Variants in ARHGAP26 observed in about 807,000 individuals in gnomAD.
ARHGAP26 encodes the protein rho GTPase-activating protein 26.
Under a neutral mutation model 104.8 loss-of-function variants are expected in ARHGAP26, and 38 were observed. The observed-to-expected ratio is 0.36, with a 90% CI of 0.28 to 0.48. ARHGAP26 has a LOEUF of 0.48. ARHGAP26 is among the 20% of genes least tolerant of loss of function. The pLI is 0.99. For missense variants in ARHGAP26, 704 were observed against 947.9 expected, an observed-to-expected ratio of 0.74 and a Z score of 3.38; for synonymous variants, 341 against 340.0, an observed-to-expected ratio of 1.00 and a Z score of -0.03.
intron 22 of ARHGAP26, among the ~76,000 whole-genome samples, chr5:143,215,300 G>T (rs1336265197): frequency 6.6e-6 from 1 of 152,214 alleles, no homozygotes; most frequent in Non-Finnish European, 1.5e-5. Flanking sequence ...GCTCATATGG[G>T]CAGGGGATCA....
At chr5:142,983,404 C>A (rs1774234210) in intron 11 of ARHGAP26, among the ~76,000 whole-genome samples, 1 of 152,224 alleles carries the variant, frequency 6.6e-6, no homozygotes, top group African/African-American at 2.4e-5. Context: ...CAGGTTTACA[C>A]CATGTTGGCC....
intron 17 of ARHGAP26, among the ~76,000 whole-genome samples, chr5:143,090,667 A>G (rs1791283940): frequency 6.6e-6 from 1 of 152,188 alleles, no homozygotes. Context: ...CCTGTGTAGA[A>G]TTACACTGGG....
chr5:142,955,459 A>G (rs1288069561), intron 11 of ARHGAP26, among the ~76,000 whole-genome samples: 1 of 152,186 alleles, frequency 6.6e-6, no homozygotes. Context: ...AAAATTATGT[A>G]CACAGGAAGT....
At chr5:142,884,330 A>G (rs1757413553) in intron 4 of ARHGAP26, among the ~76,000 whole-genome samples, 1 of 152,250 alleles carries the variant, frequency 6.6e-6, no homozygotes, top group South Asian at 2.1e-4. Context: ...AAGTTTTCTT[A>G]TCAGTCAAAT....
At chr5:142,864,697 A>AG (rs1194001265) in intron 1 of ARHGAP26, among the ~76,000 whole-genome samples, 3 of 152,224 alleles carry the variant, frequency 2.0e-5, no homozygotes, top group Admixed American at 2.0e-4. Context: ...TGGGAAGGAA[A>AG]GCAAGGCAGG....
intron 13 of ARHGAP26, 25 bp downstream of exon 13, chr5:143,037,286 T>C: frequency 1.9e-6 from 3 of 1,566,794 alleles, no homozygotes; most frequent in South Asian, 1.2e-5. Flanking sequence ...CAGATGGCAT[T>C]GTTCTCATAG....
chr5:142,994,301 T>C (rs1776064847), intron 11 of ARHGAP26, among the ~76,000 whole-genome samples: 1 of 152,136 alleles, frequency 6.6e-6, no homozygotes, highest in African/African-American at 2.4e-5. Context: ...TTCTTAGAAA[T>C]CATGGGACAG....
intron 4 of ARHGAP26, among the ~76,000 whole-genome samples, chr5:142,883,327 C>G (rs958937857): frequency 6.6e-6 from 1 of 152,160 alleles, no homozygotes; most frequent in Non-Finnish European, 1.5e-5. Flanking sequence ...AGTTGGAGCC[C>G]CAGTTCAAAG....
intron 20 of ARHGAP26, chr5:143,164,829 T>C (rs763737327): frequency 6.6e-6 from 1 of 152,192 alleles, no homozygotes; most frequent in Non-Finnish European, 1.5e-5. Flanking sequence ...CCACTGGCCT[T>C]GGCACACCTC....
intron 11 of ARHGAP26, among the ~76,000 whole-genome samples, chr5:142,973,291 G>A (rs1772550183): frequency 6.6e-6 from 1 of 152,192 alleles, no homozygotes; most frequent in Admixed American, 6.5e-5. Flanking sequence ...CCATACCGTG[G>A]AGTCCTGTGC....
At chr5:143,065,805 C>G (rs1232278628) in intron 17 of ARHGAP26, among the ~76,000 whole-genome samples, 1 of 152,086 alleles carries the variant, frequency 6.6e-6, no homozygotes, top group Non-Finnish European at 1.5e-5. Flanking sequence ...CACACGGATA[C>G]GCTGGGACAA....
chr5:143,006,390 G>A (rs1777978468), intron 11 of ARHGAP26, among the ~76,000 whole-genome samples: 1 of 147,640 alleles, frequency 6.8e-6, no homozygotes, highest in African/African-American at 2.5e-5. Flanking sequence ...TACTTTCTGA[G>A]TGGCTGGCTA....
intron 20 of ARHGAP26, among the ~76,000 whole-genome samples, chr5:143,152,561 T>C (rs1052423832): frequency 6.6e-6 from 1 of 152,316 alleles, no homozygotes; most frequent in Non-Finnish European, 1.5e-5. Flanking sequence ...TGTAGGCCCA[T>C]AGTAGATTAA....
At position 143,104,489 on chromosome 5, in the gene ARHGAP26, C is replaced by T. The variant is rs113337848; in HGVS notation, c.1539-16499C>T. Among the ~76,000 whole-genome samples, 1,023 of 152,078 alleles carry T rather than the reference C, an allele frequency of 6.7e-3. 8 individuals carry two copies. Among genetic ancestry groups the T allele is most frequent in the African/African-American group, 0.023 (972 of 41,492 alleles). ...TCACACCACTGCACTCCAGTCTGGG[C>T]GAGAGAGTGAGAACCTGTCTCAAAA... On this transcript the variant is annotated intron_variant, in intron 17 of 22. Transcript: ENST00000645722.
chr5:142,978,483 G>A (rs748656936), intron 11 of ARHGAP26, among the ~76,000 whole-genome samples: 26 of 152,174 alleles, frequency 1.7e-4, no homozygotes, highest in Non-Finnish European at 3.1e-4. Flanking sequence ...CACCAGTATA[G>A]AATGGTGGCC....
chr5:143,044,446 G>C (rs73298556), intron 14 of ARHGAP26, among the ~76,000 whole-genome samples: 4,119 of 152,202 alleles, frequency 0.027, 192 homozygotes, highest in African/African-American at 0.094. Flanking sequence ...GACCATGTTG[G>C]CAGAAGGCTC....
chr5:142,801,243 T>A (rs1228385680), intron 1 of ARHGAP26, among the ~76,000 whole-genome samples: 1 of 152,200 alleles, frequency 6.6e-6, no homozygotes, highest in East Asian at 1.9e-4. Context: ...CACATCTAGT[T>A]CTCCCTCCTG....
At chr5:143,170,363 C>A (rs1802598268) in intron 20 of ARHGAP26, 1 of 152,154 alleles carries the variant, frequency 6.6e-6, no homozygotes, top group African/African-American at 2.4e-5. Context: ...GCATCCACCT[C>A]ACGAGCTTTG....
chr5:142,899,165 G>A (rs975409156), intron 6 of ARHGAP26, among the ~76,000 whole-genome samples: 1 of 152,082 alleles, frequency 6.6e-6, no homozygotes, highest in Non-Finnish European at 1.5e-5. Flanking sequence ...AAAGTACTAG[G>A]GCCCACCCTA....
Sources: gnomAD v4.1 joint callset for allele counts (sites outside exome capture counted in the v4.1 genomes callset) on GRCh38, gnomAD v4.1.1 for gene constraint, MANE v1.5 for transcripts, NCBI Gene and HGNC (gene_info 2026-07-23, HGNC 2026-07-21) for gene names.